The following GIGYF2 variants were observed in gnomAD, a reference collection of about 807,000 sequenced individuals.
The protein encoded by GIGYF2 is GRB10-interacting GYF protein 2.
Under a neutral mutation model 208.1 loss-of-function variants are expected in GIGYF2, and 25 were observed. That is an observed-to-expected ratio of 0.12 (90% CI 0.09 to 0.17). The LOEUF (loss-of-function observed/expected upper bound fraction) is 0.17, where lower values mean the gene tolerates loss of function less well. GIGYF2 is among the 10% of genes least tolerant of loss of function. The probability of loss-of-function intolerance (pLI) is 1.00; values close to 1 mark genes in which losing one functional copy is unlikely to be tolerated. For synonymous variants in GIGYF2, 534 were observed against 543.8 expected, an observed-to-expected ratio of 0.98 and a Z score of 0.25; for missense variants, 1,302 against 1,579.4, an observed-to-expected ratio of 0.82 and a Z score of 2.98.
At chr2:232,811,028 C>T (rs929445309) in intron 16 of GIGYF2, 15 of 502,898 alleles carry the variant, frequency 3.0e-5, no homozygotes, top group Middle Eastern at 5.5e-4. Flanking sequence ...CTCTTTCACT[C>T]GGAAACACGC....
intron 2 of GIGYF2, among the ~76,000 whole-genome samples, chr2:232,708,909 G>T (rs531905256): frequency 6.7e-6 from 1 of 149,732 alleles, no homozygotes; most frequent in East Asian, 2.0e-4. Flanking sequence ...ATCACCTGAG[G>T]TCAAGAGTCA....
At chr2:232,768,163 A>T in intron 8 of GIGYF2, 1 of 1,611,322 alleles carries the variant, frequency 6.2e-7, no homozygotes, top group South Asian at 1.1e-5. Context: ...GGCTGGGTGT[A>T]TTTAATACAT....
intron 28 of GIGYF2, among the ~76,000 whole-genome samples, chr2:232,851,886 A>C (rs1690348739): frequency 6.6e-6 from 1 of 152,102 alleles, no homozygotes; most frequent in South Asian, 2.1e-4. Flanking sequence ...AGTGACTTGG[A>C]ATAGGGTTTT....
In GIGYF2 at chr2:232,778,448, T is replaced by C. The variant is rs188722226; in HGVS notation, c.533-8702T>C. The stretch of plus-strand genomic sequence containing the variant: ...GTCTATAAACAGTGATTCCTACTGC[T>C]GTGAATATTGTAGACCAGCTCTGAA... On this transcript the variant is annotated intron_variant, in intron 8 of 28. Coordinates refer to ENST00000373563, the MANE Select transcript of GIGYF2 (RefSeq NM_001103146.3). Among the ~76,000 whole-genome samples, 80 of 152,342 alleles carry C rather than the reference T, an allele frequency of 5.3e-4. 1 individual carries two copies. Among genetic ancestry groups the C allele is most frequent in the African/African-American group, 1.9e-3 (78 of 41,586 alleles).
chr2:232,760,287 C>T lies in GIGYF2; in HGVS notation c.380-193C>T, dbSNP rs1337093994. On this transcript the variant is annotated intron_variant, in intron 6 of 28. Coordinates refer to ENST00000373563, the MANE Select transcript of GIGYF2 (RefSeq NM_001103146.3). ...GTTAGTTTTTTTAACTTGTTTCTTT[C>T]AGCCTCTTGTGGTCCAGCTACTTCA... The T allele has an allele frequency of 1.2e-5, 7 of 569,832 alleles. 1 individual carries two copies. Among genetic ancestry groups the T allele is most frequent in the Non-Finnish European group, 2.2e-5 (7 of 319,010 alleles). 35.3% of individuals were successfully genotyped at this position (569,832 alleles called of 1,614,324 possible).
At position 232,806,586 on chromosome 2, in the gene GIGYF2, C is replaced by T. The variant is rs936456119; in HGVS notation, c.1735C>T (p.Pro579Ser). The change falls in exon 15 of 29, where the codon CCT becomes TCT. Residue 579 changes from proline (P) to serine (S), a missense_variant. Coordinates refer to ENST00000373563, the MANE Select transcript of GIGYF2 (RefSeq NM_001103146.3). This position sits in a 1 kb window ranked among gnomAD's most constrained non-coding sequence, Gnocchi z 4.0. ...GAGAGCGTGTGATGAAAGCTTCCAA[C>T]CTCTTGGCGATATCATGAAAATGTG... ...VKRACDESFQ[P>S]LGDIMKMWGR... The T allele has an allele frequency of 1.2e-6, 2 of 1,612,410 alleles. No individual in the cohort carries two copies. Among genetic ancestry groups the T allele is most frequent in the African/African-American group, 2.7e-5 (2 of 74,860 alleles).
At chr2:232,820,641 T>C (rs1574922345) in intron 21 of GIGYF2, among the ~76,000 whole-genome samples, 1 of 152,108 alleles carries the variant, frequency 6.6e-6, no homozygotes, top group Admixed American at 6.6e-5. Flanking sequence ...TCTAACGTAA[T>C]GATTTTCATG....
chr2:232,734,629 C>T (rs924716840), intron 2 of GIGYF2: 1 of 155,826 alleles, frequency 6.4e-6, no homozygotes, highest in Admixed American at 6.2e-5. Context: ...TAGTGATACA[C>T]ACTGTCTGTT....
At chr2:232,837,250 G>C (rs1030933622) in intron 22 of GIGYF2, among the ~76,000 whole-genome samples, 1 of 152,194 alleles carries the variant, frequency 6.6e-6, no homozygotes, top group African/African-American at 2.4e-5. Flanking sequence ...AAAGCCTGCT[G>C]ACTGATGGCT....
At chr2:232,760,020 T>C (rs1698686295) in intron 6 of GIGYF2, 2 of 168,224 alleles carry the variant, frequency 1.2e-5, no homozygotes, top group African/African-American at 4.8e-5. Flanking sequence ...TATTAAGTTA[T>C]CCTTTCTCTG....
chr2:232,704,131 A>G (rs1213541422), intron 2 of GIGYF2, among the ~76,000 whole-genome samples: 1 of 152,320 alleles, frequency 6.6e-6, no homozygotes, highest in East Asian at 1.9e-4. Flanking sequence ...GTTGGAGTCT[A>G]GAAGTGCAAG....
chr2:232,712,089 A>T (rs1696445914), intron 2 of GIGYF2, among the ~76,000 whole-genome samples: 1 of 152,178 alleles, frequency 6.6e-6, no homozygotes, highest in Admixed American at 6.5e-5. Flanking sequence ...ACTTTCCAAA[A>T]TTCCAATTTT....
chr2:232,822,164 G>A (rs964550002), intron 21 of GIGYF2, among the ~76,000 whole-genome samples: 3 of 152,100 alleles, frequency 2.0e-5, no homozygotes, highest in African/African-American at 7.2e-5. Context: ...ATAAGTAAAA[G>A]CCTCCTGTGG....
chr2:232,734,859 A>T (rs938314052), intron 2 of GIGYF2, among the ~76,000 whole-genome samples: 2 of 152,192 alleles, frequency 1.3e-5, no homozygotes, highest in Non-Finnish European at 2.9e-5. Flanking sequence ...GAAAATCCTT[A>T]ACTTAGTCTC....
intron 12 of GIGYF2, among the ~76,000 whole-genome samples, chr2:232,791,713 C>T (rs886441576): frequency 4.6e-5 from 7 of 152,152 alleles, no homozygotes; most frequent in Non-Finnish European, 7.4e-5. Flanking sequence ...CCTGTCATTA[C>T]TGGTGAACTG....
intron 2 of GIGYF2, among the ~76,000 whole-genome samples, chr2:232,716,536 C>T (rs758423141): frequency 2.0e-5 from 3 of 151,944 alleles, no homozygotes; most frequent in Non-Finnish European, 2.9e-5. Context: ...TGTGCCACCA[C>T]ACCTGGCTAA....
chr2:232,788,680 C>T (rs1416819722), intron 9 of GIGYF2: 2 of 392,364 alleles, frequency 5.1e-6, no homozygotes, highest in African/African-American at 2.1e-5. Context: ...TACCTCCCAC[C>T]CAACAACTTA....
intron 8 of GIGYF2, among the ~76,000 whole-genome samples, chr2:232,786,651 A>G (rs772230584): frequency 1.3e-5 from 2 of 152,252 alleles, no homozygotes; most frequent in African/African-American, 2.4e-5. Flanking sequence ...TATGATGAAA[A>G]ATATCTTATA....
At chr2:232,809,432 A>G (rs1700663864) in intron 15 of GIGYF2, among the ~76,000 whole-genome samples, 1 of 152,222 alleles carries the variant, frequency 6.6e-6, no homozygotes, top group South Asian at 2.1e-4. Context: ...ACTCTGAAGT[A>G]CAGTTGAACA....
Sources: allele counts gnomAD v4.1 joint callset (sites outside exome capture counted in the v4.1 genomes callset), GRCh38; gene constraint gnomAD v4.1.1; non-coding constraint Gnocchi (gnomAD v3.1); transcripts MANE v1.5; gene names NCBI Gene and HGNC (gene_info 2026-07-23, HGNC 2026-07-21).